Variants in MARCHF3 observed in about 807,000 individuals in gnomAD.
MARCHF3 encodes the protein membrane associated ring-CH-type finger 3, also known as E3 ubiquitin-protein ligase MARCHF3.
A neutral mutation model predicts 24.2 loss-of-function variants in MARCHF3; 13 were observed. That is an observed-to-expected ratio of 0.54 (90% CI 0.35 to 0.85). The LOEUF (loss-of-function observed/expected upper bound fraction) is 0.85, where lower values mean the gene tolerates loss of function less well. Among genes scored for constraint, MARCHF3 ranks in the 40% least tolerant of loss-of-function variants. The pLI is 0.01. For synonymous variants in MARCHF3, 144 were observed against 137.3 expected (o/e 1.05, Z -0.34); for missense variants, 276 against 325.0 (o/e 0.85, Z 1.16).
At chr5:126,900,005 C>T (rs1012530561) in intron 3 of MARCHF3, among the ~76,000 whole-genome samples, 1 of 152,080 alleles carries the variant, frequency 6.6e-6, no homozygotes, top group African/African-American at 2.4e-5. Context: ...ATGAATCCAC[C>T]ATTATAGTGC....
intron 3 of MARCHF3, among the ~76,000 whole-genome samples, chr5:126,908,638 C>T (rs1449217670): frequency 6.6e-6 from 1 of 152,028 alleles, no homozygotes; most frequent in Non-Finnish European, 1.5e-5. Context: ...CTGCATTCTT[C>T]ATGTTGCTCT....
Position 126,868,936 on chromosome 5 carries a change from A to G in MARCHF3, c.*1697T>C, listed in dbSNP as rs56163512. ...GGGGGGTGAGCAGGGCGCAGTAAACAGAAGGGCTGAGACATATATTACTGG... is the reference window on the plus strand; with the variant it reads ...GGGGGGTGAGCAGGGCGCAGTAAACGGAAGGGCTGAGACATATATTACTGG... On this transcript the variant is annotated 3_prime_UTR_variant, in exon 5 of 5. Coordinates refer to ENST00000308660, the MANE Select transcript of MARCHF3 (RefSeq NM_178450.5). 20,114 of 152,228 alleles carry G rather than the reference A, an allele frequency of 0.13. 1,844 individuals are homozygous for G. Among genetic ancestry groups the G allele is most frequent in the African/African-American group, 0.26 (10,855 of 41,446 alleles). 9.4% of individuals were successfully genotyped at this position (152,228 alleles called of 1,614,324 possible).
intron 4 of MARCHF3, among the ~76,000 whole-genome samples, chr5:126,877,944 A>T (rs1753216955): frequency 6.6e-6 from 1 of 152,226 alleles, no homozygotes; most frequent in Non-Finnish European, 1.5e-5. Context: ...TCTTTGACTG[A>T]TGGACACCCA....
rs1040777742 is a variant in MARCHF3, at chr5:126,940,907, T to A, written c.-56-22680A>T. On this transcript the variant is annotated intron_variant, in intron 1 of 4. Transcript: ENST00000308660. The stretch of plus-strand genomic sequence containing the variant: ...AATAACCACATCATGGACAATGGGG[T>A]ATCCATCCCCTCAAGCATTTATCTT... Among the ~76,000 whole-genome samples, 5 of 152,172 alleles carry A rather than the reference T, an allele frequency of 3.3e-5. No individual in the cohort carries two copies. The South Asian group carries it at 1.0e-3, about 31-fold the overall frequency.
rs150710110 is a variant in MARCHF3 at position 126,989,500 on chromosome 5, C to T, written c.-57+40850G>A. On this transcript the variant is annotated intron_variant, in intron 1 of 4. Coordinates refer to ENST00000308660, the MANE Select transcript of MARCHF3 (RefSeq NM_178450.5). Reference sequence around the variant, plus strand: ...TTAAGCAACAATTTAGTTTCCCCTCCCCCTCCCCAGATGCCATGAATCTTG... The same window carrying T: ...TTAAGCAACAATTTAGTTTCCCCTCTCCCTCCCCAGATGCCATGAATCTTG... Among the ~76,000 whole-genome samples, 13 of 152,114 alleles carry T rather than the reference C, an allele frequency of 8.5e-5. No individual in the cohort carries two copies. In the East Asian group the frequency reaches 2.5e-3, roughly 29 times the overall value.
At chr5:127,005,483 G>T (rs543242329) in intron 1 of MARCHF3, among the ~76,000 whole-genome samples, 25 of 152,062 alleles carry the variant, frequency 1.6e-4, no homozygotes, top group Non-Finnish European at 3.2e-4. Context: ...GTGATCCTGG[G>T]TAAGTCCCAC....
intron 1 of MARCHF3, among the ~76,000 whole-genome samples, chr5:126,931,646 C>T (rs1009400763): frequency 2.0e-5 from 3 of 151,504 alleles, no homozygotes; most frequent in Middle Eastern, 3.4e-3. Context: ...GCTAGCAATT[C>T]GTTGTAAAAT....
At chr5:127,030,185 G>C (rs1031104615) in intron 1 of MARCHF3, 165 bp downstream of exon 1, 3 of 152,256 alleles carry the variant, frequency 2.0e-5, no homozygotes, top group African/African-American at 4.8e-5. Context: ...GAAGAAGTTC[G>C]GGAGTGGGGA....
chr5:126,897,056 T>TTTTTTTTTTTTTTTTTTTTG (rs70997319), intron 3 of MARCHF3, among the ~76,000 whole-genome samples: 1 of 148,948 alleles, frequency 6.7e-6, no homozygotes, highest in African/African-American at 2.5e-5. Context: ...TTTTTTTTTT[T>TTTTTTTTTTTTTTTTTTTTG]GAGATGGAGT....
intron 2 of MARCHF3, among the ~76,000 whole-genome samples, chr5:126,916,692 G>GACACACAAACACACACACACACAC (rs1754747721): frequency 7.7e-6 from 1 of 130,482 alleles, no homozygotes; most frequent in African/African-American, 3.2e-5. Flanking sequence ...CAGACAGACA[G>GACACACAAACACACACACACACAC]ACACACACAC....
intron 1 of MARCHF3, among the ~76,000 whole-genome samples, chr5:127,006,534 G>T (rs1176489957): frequency 6.6e-6 from 1 of 152,076 alleles, no homozygotes; most frequent in Non-Finnish European, 1.5e-5. Flanking sequence ...TATCTTGAAA[G>T]AACAAATTCA....
At chr5:127,002,527 T>G (rs566728794) in intron 1 of MARCHF3, among the ~76,000 whole-genome samples, 2 of 152,310 alleles carry the variant, frequency 1.3e-5, no homozygotes, top group East Asian at 3.9e-4. Context: ...GGAAAGCAAT[T>G]TCACCAGCCC....
intron 1 of MARCHF3, among the ~76,000 whole-genome samples, chr5:126,981,521 T>C (rs1751394125): frequency 6.6e-6 from 1 of 152,246 alleles, no homozygotes. Context: ...GATAACTTCC[T>C]TGAGTCTTAC....
intron 3 of MARCHF3, among the ~76,000 whole-genome samples, chr5:126,900,248 C>A (rs77477222): frequency 0.02 from 3,104 of 152,128 alleles, 79 homozygotes; most frequent in South Asian, 0.12. Flanking sequence ...TGAGCAAATG[C>A]AAGAAAGTAC....
At chr5:126,909,401 G>C (rs994505431) in intron 3 of MARCHF3, among the ~76,000 whole-genome samples, 1 of 152,202 alleles carries the variant, frequency 6.6e-6, no homozygotes, top group Non-Finnish European at 1.5e-5. Context: ...GGGCAATGGC[G>C]GGCGCCCCTC....
chr5:126,907,193 T>C (rs1394286212), intron 3 of MARCHF3, among the ~76,000 whole-genome samples: 7 of 149,750 alleles, frequency 4.7e-5, no homozygotes, highest in Admixed American at 2.7e-4. Flanking sequence ...CAGTTTGTTA[T>C]AATTTCTGTT....
chr5:126,969,976 C>T (rs1298599978), intron 1 of MARCHF3, among the ~76,000 whole-genome samples: 1 of 152,180 alleles, frequency 6.6e-6, no homozygotes, highest in Non-Finnish European at 1.5e-5. Context: ...TAATAATCTA[C>T]TGAGAAATTC....
At chr5:127,008,939 T>C (rs1752398446) in intron 1 of MARCHF3, among the ~76,000 whole-genome samples, 1 of 150,612 alleles carries the variant, frequency 6.6e-6, no homozygotes, top group South Asian at 2.1e-4. Flanking sequence ...ATTTTTAACC[T>C]TGCAGCTTCA....
intron 3 of MARCHF3, among the ~76,000 whole-genome samples, chr5:126,910,279 G>T (rs1754470796): frequency 6.6e-6 from 1 of 152,190 alleles, no homozygotes; most frequent in Admixed American, 6.5e-5. Context: ...TCAAAGCCTA[G>T]TGGCAAATAT....
Sources: allele counts gnomAD v4.1 joint callset (sites outside exome capture counted in the v4.1 genomes callset), GRCh38; gene constraint gnomAD v4.1.1; transcripts MANE v1.5; gene names NCBI Gene and HGNC (gene_info 2026-07-23, HGNC 2026-07-21).